Variants in STUM observed in about 807,000 individuals in gnomAD.
STUM encodes protein stum homolog.
Under a neutral mutation model 15.3 loss-of-function variants are expected in STUM, and 8 were observed. The ratio of observed to expected loss-of-function variants is 0.52; its 90% CI spans 0.31 to 0.94. STUM has a LOEUF of 0.94. Among genes scored for constraint, STUM ranks in the 40% least tolerant of loss-of-function variants. The pLI is 0.05. For missense variants in STUM, 142 were observed against 204.9 expected, an observed-to-expected ratio of 0.69 and a Z score of 1.87; for synonymous variants, 78 against 88.7, an observed-to-expected ratio of 0.88 and a Z score of 0.68.
At chr1:226,586,679 C>T (rs1162865900) in intron 1 of STUM, among the ~76,000 whole-genome samples, 2 of 152,208 alleles carry the variant, frequency 1.3e-5, no homozygotes, top group Non-Finnish European at 2.9e-5. Flanking sequence ...GAACCCCTCT[C>T]GGTTTTTAAT....
chr1:226,557,770 G>A (rs955560468), intron 1 of STUM, among the ~76,000 whole-genome samples: 1 of 152,144 alleles, frequency 6.6e-6, no homozygotes, highest in African/African-American at 2.4e-5. Context: ...ATTCCACAGT[G>A]CATTAAAAGG....
chr1:226,601,252 G>A (rs1012752165), intron 3 of STUM, among the ~76,000 whole-genome samples: 3 of 152,012 alleles, frequency 2.0e-5, no homozygotes, highest in Admixed American at 6.6e-5. Context: ...TCAGCCTCCC[G>A]AGTAGCTGGG....
At position 226,605,660 on chromosome 1, in the gene STUM, CG is replaced by C. The variant is rs1668344579; in HGVS notation, c.*3622del. ...AGCTTCTCCCTCCCATATGTGGGGG[CG>C]GCCCCCTCCTGAGACCTGTCATCAC... On this transcript the variant is annotated 3_prime_UTR_variant, in exon 4 of 4. Transcript: ENST00000366788. The surrounding 1 kb of genome is among the most constrained non-coding windows in gnomAD (Gnocchi z 4.0). 6.6e-6 allele frequency: 1 copy of C among 152,208 alleles called. No individual in the cohort carries two copies. The highest frequency in any genetic ancestry group is 6.5e-5 in the Admixed American group (1 of 15,288). 9.4% of individuals were successfully genotyped at this position (152,208 alleles called of 1,614,324 possible).
At position 226,584,331 on chromosome 1, in the gene STUM, A is replaced by C. The variant is rs191533847; in HGVS notation, c.203-12471A>C. ...GCTGGGTTCAAGAGTATGCAGCTGAAGATGCAGGAAGTGAAATCCAGCAGT... is the reference window on the plus strand; with the variant it reads ...GCTGGGTTCAAGAGTATGCAGCTGACGATGCAGGAAGTGAAATCCAGCAGT... On this transcript the variant is annotated intron_variant, in intron 1 of 3. Transcript: ENST00000366788. 8.7e-4 allele frequency among the ~76,000 whole-genome samples: 132 copies of C among 152,338 alleles called. 3 individuals are homozygous for C. The highest frequency in any genetic ancestry group is 5.9e-5 in the Non-Finnish European group (4 of 68,030).
At chr1:226,596,701 T>A in intron 1 of STUM, 101 bp from the exon 2 acceptor site, 1 of 1,078,338 alleles carries the variant, frequency 9.3e-7, no homozygotes, top group Non-Finnish European at 1.4e-6. Context: ...CTTCTCTGAG[T>A]TCTTGGAGGG....
At chr1:226,554,618 G>A (rs1667419938) in intron 1 of STUM, among the ~76,000 whole-genome samples, 1 of 152,128 alleles carries the variant, frequency 6.6e-6, no homozygotes, top group Admixed American at 6.5e-5. Flanking sequence ...GTCTGAATTT[G>A]ATAAAACATG....
chr1:226,548,811 G>C lies in STUM; in HGVS notation c.-94G>C. ...CACGGCGGCCGCCTGAGCTCGGCGCGGAGCCCGGAGCCCGCAGCCGACAGT... is the reference window on the plus strand; with the variant it reads ...CACGGCGGCCGCCTGAGCTCGGCGCCGAGCCCGGAGCCCGCAGCCGACAGT... On this transcript the variant is annotated 5_prime_UTR_variant, in exon 1 of 4. Transcript: ENST00000366788. 9.4e-7 allele frequency: 1 copy of C among 1,064,948 alleles called. No homozygotes were observed. The highest frequency in any genetic ancestry group is 1.2e-6 in the Non-Finnish European group (1 of 839,852). The allele number at this position is 1,064,948 out of a possible 1,614,324, so 66.0% of individuals were successfully genotyped here.
At chr1:226,558,407 A>G (rs1404947239) in intron 1 of STUM, among the ~76,000 whole-genome samples, 1 of 152,120 alleles carries the variant, frequency 6.6e-6, no homozygotes, top group Non-Finnish European at 1.5e-5. Flanking sequence ...AAGCACTTCC[A>G]CCTTTTTTCA....
intron 1 of STUM, among the ~76,000 whole-genome samples, chr1:226,589,257 C>T (rs1668046841): frequency 6.6e-6 from 1 of 152,196 alleles, no homozygotes; most frequent in Non-Finnish European, 1.5e-5. Context: ...CAGGCTCTAT[C>T]TCGTGGGAGC....
At chr1:226,571,646 T>G (rs1404087933) in intron 1 of STUM, among the ~76,000 whole-genome samples, 6 of 148,474 alleles carry the variant, frequency 4.0e-5, no homozygotes. Flanking sequence ...TTCTTCTTCT[T>G]TTTTTTTTTT....
rs1223156505 is a variant in STUM, at chr1:226,565,625, C to G, written c.202+16519C>G. Among the ~76,000 whole-genome samples the G allele has an allele frequency of 6.6e-6, 1 of 152,196 alleles. No individual in the cohort carries two copies. Among genetic ancestry groups the G allele is most frequent in the Non-Finnish European group, 1.5e-5 (1 of 68,034 alleles). ...AAATGGCTCTGGTGCTCAGGAGATG[C>G]CTCAGCTGGGGGAGGGGTGGAGACT... On this transcript the variant is annotated intron_variant, in intron 1 of 3. Transcript: ENST00000366788. This position sits in a 1 kb window ranked among gnomAD's most constrained non-coding sequence, Gnocchi z 4.4.
chr1:226,575,297 CACAGATAGAT>C (rs1446123349), intron 1 of STUM, among the ~76,000 whole-genome samples: 1 of 152,256 alleles, frequency 6.6e-6, no homozygotes, highest in African/African-American at 2.4e-5. Context: ...TGCCCTATTG[CACAGATAGAT>C]AGTGTGGTGG....
rs1668407761 is a variant in STUM at position 226,608,973 on chromosome 1, C to CA, written c.*6934dup. ...GCCTTCTGCCAGCTTTAAAACCCTT[C>CA]ACTCAAGCAGCATTACTGTACATGC... On this transcript the variant is annotated 3_prime_UTR_variant, in exon 4 of 4. Coordinates refer to ENST00000366788, the MANE Select transcript of STUM (RefSeq NM_001003665.4). This position sits in a 1 kb window ranked among gnomAD's most constrained non-coding sequence, Gnocchi z 4.0. The CA allele has an allele frequency of 1.3e-5, 2 of 152,262 alleles. No individual in the cohort carries two copies. Among genetic ancestry groups the CA allele is most frequent in the South Asian group, 4.1e-4 (2 of 4,834 alleles). 9.4% of individuals were successfully genotyped at this position (152,262 alleles called of 1,614,324 possible). A position where few individuals can be genotyped will look rare whatever the true frequency, so the allele number is the denominator to read the frequency against.
chr1:226,604,755 G>A lies in STUM; in HGVS notation c.*2715G>A, dbSNP rs1344841429. On this transcript the variant is annotated 3_prime_UTR_variant, in exon 4 of 4. Coordinates refer to ENST00000366788, the MANE Select transcript of STUM (RefSeq NM_001003665.4). The surrounding 1 kb of genome is among the most constrained non-coding windows in gnomAD (Gnocchi z 4.7). ...AGCTGGGCTTTGCCTGCATAGTGCA[G>A]ACAAGGCTGTTGGTTCAGAGGCTGC... 2 of 152,314 alleles carry A rather than the reference G, an allele frequency of 1.3e-5. No homozygotes were observed. Among genetic ancestry groups the A allele is most frequent in the East Asian group, 3.8e-4 (2 of 5,204 alleles). 9.4% of individuals were successfully genotyped at this position (152,314 alleles called of 1,614,324 possible). A position where few individuals can be genotyped will look rare whatever the true frequency, so the allele number is the denominator to read the frequency against.
rs374386198 is a variant in STUM at position 226,584,240 on chromosome 1, A to G, written c.203-12562A>G. ...CCTCACCTGAGCTGTTGAATGGACC[A>G]TCTACACGAGGTTTCTCCCTGGAGT... is the stretch of plus-strand genomic sequence containing the variant. On this transcript the variant is annotated intron_variant, in intron 1 of 3. Transcript: ENST00000366788. Among the ~76,000 whole-genome samples, 16 of 152,172 alleles carry G rather than the reference A, an allele frequency of 1.1e-4. 1 individual carries two copies. In the South Asian group the frequency reaches 3.3e-3, roughly 32 times the overall value.
At chr1:226,557,034 T>C (rs1230272739) in intron 1 of STUM, among the ~76,000 whole-genome samples, 1 of 152,200 alleles carries the variant, frequency 6.6e-6, no homozygotes, top group Non-Finnish European at 1.5e-5. Context: ...GATACTCTAT[T>C]ATTAACTATA....
chr1:226,557,153 C>A (rs899932637), intron 1 of STUM, among the ~76,000 whole-genome samples: 9 of 152,236 alleles, frequency 5.9e-5, no homozygotes, highest in African/African-American at 2.2e-4. Flanking sequence ...ACCTCAGTGC[C>A]TGGCAACTAC....
intron 1 of STUM, among the ~76,000 whole-genome samples, chr1:226,580,708 A>G (rs1020498945): frequency 6.6e-6 from 1 of 151,998 alleles, no homozygotes; most frequent in African/African-American, 2.4e-5. Context: ...CTGCCCCCTC[A>G]CAGCCTTTAT....
At chr1:226,560,525 A>G (rs1267327209) in intron 1 of STUM, among the ~76,000 whole-genome samples, 1 of 152,216 alleles carries the variant, frequency 6.6e-6, no homozygotes, top group Non-Finnish European at 1.5e-5. Flanking sequence ...CCGAGCAGAA[A>G]ACATTCTCAA....
Sources: gnomAD v4.1 joint callset for allele counts (sites outside exome capture counted in the v4.1 genomes callset) on GRCh38, gnomAD v4.1.1 for gene constraint, Gnocchi (gnomAD v3.1) non-coding constraint, MANE v1.5 for transcripts, NCBI Gene and HGNC (gene_info 2026-07-23, HGNC 2026-07-21) for gene names.